Variants in PSMB1 observed in about 807,000 individuals in gnomAD.
PSMB1 encodes the protein proteasome subunit beta type-1.
In PSMB1, 7 loss-of-function variants were observed where a neutral mutation model predicts 25.4. The observed-to-expected ratio is 0.28, with a 90% CI of 0.16 to 0.52. The LOEUF (loss-of-function observed/expected upper bound fraction) is 0.52, where lower values mean the gene tolerates loss of function less well. PSMB1 is among the 20% of genes least tolerant of loss of function. The pLI, the probability that PSMB1 is intolerant of heterozygous loss-of-function variation, is 0.97. For missense variants in PSMB1, 284 were observed against 302.2 expected, an observed-to-expected ratio of 0.94 and a Z score of 0.45; for synonymous variants, 119 against 115.0, an observed-to-expected ratio of 1.03 and a Z score of -0.22.
chr6:170,540,587 G>GAAAAAAAAA (rs1491327182), intron 4 of PSMB1, among the ~76,000 whole-genome samples: 1 of 40,634 alleles, frequency 2.5e-5, no homozygotes, highest in African/African-American at 1.2e-4. Flanking sequence ...TGAATGGACA[G>GAAAAAAAAA]CAAAAAAAAA....
At position 170,536,890 on chromosome 6, in the gene PSMB1, G is replaced by A. The variant is rs902873379; in HGVS notation, c.540+344C>T. Among the ~76,000 whole-genome samples the A allele has an allele frequency of 3.9e-5, 6 of 152,136 alleles. No individual in the cohort carries two copies. In the South Asian group the frequency reaches 1.0e-3, roughly 26 times the overall value. On this transcript the variant is annotated intron_variant, in intron 5 of 5. Transcript: ENST00000262193. ...TTCAAGTACAGTATTGGGTAACACA[G>A]AAAGGGGGGGTAAGAGGGAAAAAGG...
In PSMB1 at chr6:170,536,936, A is replaced by T. The variant is rs187975690; in HGVS notation, c.540+298T>A. On this transcript the variant is annotated intron_variant, in intron 5 of 5. Coordinates refer to ENST00000262193, the MANE Select transcript of PSMB1 (RefSeq NM_002793.4). ...AAAGGCATTTTTATGATCTTCAGGT[A>T]AAGACAGCAAGAGAATTAGCCACTA... Among the ~76,000 whole-genome samples, 577 of 152,282 alleles carry T rather than the reference A, an allele frequency of 3.8e-3. 5 individuals are homozygous for T. The highest frequency in any genetic ancestry group is 0.012 in the African/African-American group (518 of 41,528).
rs200316959 is a variant in PSMB1 at position 170,549,040 on chromosome 6, T to C, written c.187A>G (p.Ile63Val). The C allele has an allele frequency of 3.5e-5, 56 of 1,613,540 alleles. 1 individual carries two copies. Among genetic ancestry groups the C allele is most frequent in the African/African-American group, 2.4e-4 (18 of 75,020 alleles). Residue 63 changes from isoleucine to valine, a missense_variant, in exon 2 of 6, where the codon ATT (isoleucine) becomes GTT (valine). Coordinates refer to ENST00000262193, the MANE Select transcript of PSMB1 (RefSeq NM_002793.4). ...SDTRLSEGFS[I>V]HTRDSPKCYK... ...CATTTGGGGCTATCCCGCGTATGAA[T>C]TGAAAACCCTTCACTCAATCGAGTA...
chr6:170,542,443 A>G (rs1778768515), intron 4 of PSMB1, among the ~76,000 whole-genome samples: 1 of 152,100 alleles, frequency 6.6e-6, no homozygotes, highest in South Asian at 2.1e-4. Context: ...AGCCGCATGT[A>G]TTCCCCTGGA....
intron 4 of PSMB1, among the ~76,000 whole-genome samples, chr6:170,540,588 C>CAAAAAAAAAAAAAAAA (rs5881872): frequency 1.6e-5 from 1 of 61,200 alleles, no homozygotes; most frequent in Non-Finnish European, 2.7e-5. Context: ...GAATGGACAG[C>CAAAAAAAAAAAAAAAA]AAAAAAAAAA....
chr6:170,538,085 A>C (rs2114974941), intron 4 of PSMB1, among the ~76,000 whole-genome samples: 1 of 152,382 alleles, frequency 6.6e-6, no homozygotes, highest in South Asian at 2.1e-4. Context: ...AAAGATAAGT[A>C]ACTGTGGCTG....
chr6:170,538,657 C>T (rs1778722374), intron 4 of PSMB1, among the ~76,000 whole-genome samples: 1 of 152,108 alleles, frequency 6.6e-6, no homozygotes, highest in African/African-American at 2.4e-5. Flanking sequence ...CGAGATCATG[C>T]CACTGCACTC....
rs1778781568 is a variant in PSMB1, at chr6:170,543,584, G to A, written c.433+17C>T. 5 of 1,594,478 alleles carry A rather than the reference G, an allele frequency of 3.1e-6. No individual in the cohort carries two copies. The highest frequency in any genetic ancestry group is 2.2e-5 in the East Asian group (1 of 44,606). ...AACTCCTCCCCCCCACCATTTTCCAGAAAGAAGGAATTCTACCTTCTTCAT... is the reference window on the plus strand; with the variant it reads ...AACTCCTCCCCCCCACCATTTTCCAAAAAGAAGGAATTCTACCTTCTTCAT... On this transcript the variant is annotated intron_variant, in intron 4 of 5. Coordinates refer to ENST00000262193, the MANE Select transcript of PSMB1 (RefSeq NM_002793.4).
chr6:170,542,608 C>A (rs900476816), intron 4 of PSMB1, among the ~76,000 whole-genome samples: 2 of 152,202 alleles, frequency 1.3e-5, no homozygotes, highest in African/African-American at 4.8e-5. Context: ...CTCAAATCAA[C>A]TCCCTCACCT....
chr6:170,535,519 C>T (rs1383475582), intron 5 of PSMB1, 114 bp from the exon 6 acceptor site: 1 of 875,376 alleles, frequency 1.1e-6, no homozygotes, highest in Non-Finnish European at 1.7e-6. Context: ...AAATACTACA[C>T]AAAATTAAAA....
intron 4 of PSMB1, among the ~76,000 whole-genome samples, chr6:170,538,334 T>C (rs907239564): frequency 6.6e-6 from 1 of 152,212 alleles, no homozygotes; most frequent in Admixed American, 6.5e-5. Context: ...CTGGGAGATG[T>C]GATATAGGGA....
intron 2 of PSMB1, among the ~76,000 whole-genome samples, chr6:170,548,579 T>C (rs1778852530): frequency 6.6e-6 from 1 of 152,186 alleles, no homozygotes; most frequent in Non-Finnish European, 1.5e-5. Context: ...GTTTGAATAT[T>C]CCCTTCAAAA....
At chr6:170,549,946 C>T (rs557287015) in intron 1 of PSMB1, 1 of 151,452 alleles carries the variant, frequency 6.6e-6, no homozygotes, top group East Asian at 1.9e-4. Context: ...TTACATGAGA[C>T]AGAGACCCAC....
intron 1 of PSMB1, 106 bp downstream of exon 1, chr6:170,553,024 G>A (rs926382034): frequency 2.1e-6 from 2 of 969,924 alleles, no homozygotes; most frequent in African/African-American, 1.6e-5. Flanking sequence ...GGGTTCTGAG[G>A]CCTGCAGGAG....
intron 5 of PSMB1, among the ~76,000 whole-genome samples, chr6:170,536,974 A>G (rs747544272): frequency 3.3e-5 from 5 of 152,210 alleles, no homozygotes; most frequent in Non-Finnish European, 7.3e-5. Flanking sequence ...GACATAAAAG[A>G]GTTGGAAGCC....
At chr6:170,547,219 T>C (rs1778829976) in intron 2 of PSMB1, among the ~76,000 whole-genome samples, 1 of 152,222 alleles carries the variant, frequency 6.6e-6, no homozygotes, top group South Asian at 2.1e-4. Flanking sequence ...TCACCAATTC[T>C]ATTGCTAGAA....
intron 4 of PSMB1, among the ~76,000 whole-genome samples, chr6:170,540,865 A>G (rs1247387554): frequency 2.6e-5 from 4 of 152,138 alleles, no homozygotes; most frequent in African/African-American, 4.8e-5. Flanking sequence ...AGACATGGAT[A>G]ACATGGGGAG....
At chr6:170,536,411 CA>C in intron 5 of PSMB1, 2 of 453,556 alleles carry the variant, frequency 4.4e-6, no homozygotes, top group Non-Finnish European at 8.8e-6. Flanking sequence ...ACAAGTGGCC[CA>C]AACAAAGCAC....
intron 4 of PSMB1, among the ~76,000 whole-genome samples, chr6:170,542,911 ACTACT>A: frequency 6.6e-6 from 1 of 152,264 alleles, no homozygotes; most frequent in Non-Finnish European, 1.5e-5. Flanking sequence ...GTGTCAATGG[ACTACT>A]CTAAGTGACA....
Sources: gnomAD v4.1 joint callset for allele counts (sites outside exome capture counted in the v4.1 genomes callset) on GRCh38, gnomAD v4.1.1 for gene constraint, MANE v1.5 for transcripts, NCBI Gene and HGNC (gene_info 2026-07-23, HGNC 2026-07-21) for gene names.